The following FREM2 variants were observed in gnomAD, a reference collection of about 807,000 sequenced individuals.
The protein encoded by FREM2 is FRAS1-related extracellular matrix protein 2.
In FREM2, 119 loss-of-function variants were observed where a neutral mutation model predicts 219.9. The observed-to-expected ratio is 0.54, with a 90% CI of 0.47 to 0.63. The LOEUF (loss-of-function observed/expected upper bound fraction) is 0.63, where lower values mean the gene tolerates loss of function less well. FREM2 is among the 30% of genes least tolerant of loss of function. The probability of loss-of-function intolerance (pLI) is 0.00; values close to 1 mark genes in which losing one functional copy is unlikely to be tolerated. For synonymous variants in FREM2, 1,562 were observed against 1,522.8 expected, an observed-to-expected ratio of 1.03 and a Z score of -0.60; for missense variants, 4,030 against 3,993.6, an observed-to-expected ratio of 1.01 and a Z score of -0.25.
At chr13:38,775,525 T>C (rs1873838610) in intron 4 of FREM2, among the ~76,000 whole-genome samples, 1 of 152,142 alleles carries the variant, frequency 6.6e-6, no homozygotes, top group African/African-American at 2.4e-5. Flanking sequence ...AGGTGCAAAA[T>C]AAAACTTGCA....
chr13:38,707,925 G>A (rs1870603878), intron 2 of FREM2, among the ~76,000 whole-genome samples: 3 of 152,074 alleles, frequency 2.0e-5, no homozygotes, highest in Non-Finnish European at 4.4e-5. Flanking sequence ...TAAACCTCAG[G>A]GTCATTTTGT....
At chr13:38,851,138 G>A (rs1054681870) in intron 10 of FREM2, 30 bp downstream of exon 10, 3 of 1,607,722 alleles carry the variant, frequency 1.9e-6, no homozygotes, top group South Asian at 1.1e-5. Flanking sequence ...TTGTTCAACT[G>A]TAAATTAGAA....
At chr13:38,782,905 C>T (rs1451884352) in intron 4 of FREM2, among the ~76,000 whole-genome samples, 165 bp from the exon 5 acceptor site, 1 of 152,148 alleles carries the variant, frequency 6.6e-6, no homozygotes, top group African/African-American at 2.4e-5. Context: ...CCCTTTATAC[C>T]CACTTCTTTT....
intron 16 of FREM2, among the ~76,000 whole-genome samples, chr13:38,866,202 T>C (rs1274711883): frequency 6.6e-6 from 1 of 152,028 alleles, no homozygotes; most frequent in Non-Finnish European, 1.5e-5. Context: ...CTTGTTAAAA[T>C]CGTTTCATAC....
intron 14 of FREM2, among the ~76,000 whole-genome samples, chr13:38,860,207 G>C (rs1877711540): frequency 6.6e-6 from 1 of 152,088 alleles, no homozygotes; most frequent in Admixed American, 6.6e-5. Context: ...GATTTTGCTG[G>C]GGACGGGAGG....
At chr13:38,725,353 A>G (rs1267635647) in intron 2 of FREM2, among the ~76,000 whole-genome samples, 1 of 150,964 alleles carries the variant, frequency 6.6e-6, no homozygotes, top group Admixed American at 6.6e-5. Context: ...GTTGTCAGCC[A>G]TGATGAGTGG....
chr13:38,741,619 A>C (rs1872252672), intron 2 of FREM2, among the ~76,000 whole-genome samples: 1 of 152,196 alleles, frequency 6.6e-6, no homozygotes, highest in Admixed American at 6.5e-5. Context: ...GACACATCAC[A>C]AATTGCAGAT....
intron 6 of FREM2, among the ~76,000 whole-genome samples, chr13:38,817,676 G>A (rs1877532152): frequency 6.6e-6 from 1 of 151,842 alleles, no homozygotes; most frequent in South Asian, 2.1e-4. Context: ...GACTTCAAAA[G>A]GATAGTCAAC....
rs781505102 is a variant in FREM2 at position 38,690,437 on chromosome 13, T to C, written c.3093T>C (p.Ser1031=). 1 of 1,614,248 alleles carries C rather than the reference T, an allele frequency of 6.2e-7. No individual in the cohort carries two copies. Among genetic ancestry groups the C allele is most frequent in the Non-Finnish European group, 8.5e-7 (1 of 1,180,038 alleles). Reference sequence around the variant, plus strand: ...TAGGCCTATTGCCTAAAGCGGATTCTTTTAACCTGAGTCTGTCAGATATGT... The same window carrying C: ...TAGGCCTATTGCCTAAAGCGGATTCCTTTAACCTGAGTCTGTCAGATATGT... ...GEIGLLPKAD[S]FNLSLSDMSQ... Residue 1031 remains serine (S), a synonymous_variant, in exon 1 of 24, where the codon TCT becomes TCC. Coordinates refer to ENST00000280481, the MANE Select transcript of FREM2 (RefSeq NM_207361.6).
At chr13:38,742,240 G>A (rs1372046741) in intron 2 of FREM2, among the ~76,000 whole-genome samples, 1 of 152,186 alleles carries the variant, frequency 6.6e-6, no homozygotes, top group Non-Finnish European at 1.5e-5. Context: ...TACAAGGGTT[G>A]TATAAAAATA....
At chr13:38,793,664 ACTCTG>A in intron 6 of FREM2, among the ~76,000 whole-genome samples, 1 of 152,310 alleles carries the variant, frequency 6.6e-6, no homozygotes, top group East Asian at 1.9e-4. Flanking sequence ...TAGAAATATC[ACTCTG>A]CTCTGGCTGC....
intron 4 of FREM2, among the ~76,000 whole-genome samples, chr13:38,773,008 AAC>A (rs749267722): frequency 1.7e-4 from 26 of 152,172 alleles, no homozygotes; most frequent in Non-Finnish European, 2.9e-4. Context: ...AGAACTTTTT[AAC>A]ACACACACAG....
At chr13:38,761,204 G>A (rs1855195212) in intron 2 of FREM2, among the ~76,000 whole-genome samples, 1 of 152,158 alleles carries the variant, frequency 6.6e-6, no homozygotes, top group Non-Finnish European at 1.5e-5. Context: ...GATGTGAGAG[G>A]ATGGATATTT....
In FREM2 at chr13:38,687,962, G is replaced by T. The variant is rs1176611800; in HGVS notation, c.618G>T (p.Glu206Asp). Residue 206 changes from glutamate (E) to aspartate (D), a missense_variant, in exon 1 of 24, where the codon GAG becomes GAT. Physicochemically the swap from Glu to Asp is conservative, Grantham distance 45 (BLOSUM62 2). This residue lies in a region of FREM2 where 3,102 missense variants were observed against 2,950.7 expected (regional missense o/e 1.05). Coordinates refer to ENST00000280481, the MANE Select transcript of FREM2 (RefSeq NM_207361.6). ...TSNALDARSL[E>D]FAFQPETEEC... Reference sequence around the variant, plus strand: ...ATGCCCTGGACGCGCGGAGCCTGGAGTTCGCCTTCCAGCCCGAGACAGAGG... The same window carrying T: ...ATGCCCTGGACGCGCGGAGCCTGGATTTCGCCTTCCAGCCCGAGACAGAGG... 1 of 1,611,422 alleles carries T rather than the reference G, an allele frequency of 6.2e-7. No homozygotes were observed. The highest frequency in any genetic ancestry group is 2.2e-5 in the East Asian group (1 of 44,750).
Position 38,687,704 on chromosome 13 carries a change from C to G in FREM2, c.360C>G (p.Gly120=), listed in dbSNP as rs1161602527. Residue 120 remains glycine (G), a synonymous_variant, in exon 1 of 24, where the codon GGC becomes GGG. Coordinates refer to ENST00000280481, the MANE Select transcript of FREM2 (RefSeq NM_207361.6). ...LDNDALAQRP[G]RLSPKRFPCD... is the part of the protein sequence containing the mutation. ...ACGACGCACTGGCCCAGCGACCGGG[C>G]CGCCTGAGTCCCAAGCGCTTCCCGT... is the stretch of plus-strand genomic sequence containing the variant. 6.4e-7 allele frequency: 1 copy of G among 1,566,036 alleles called. No homozygotes were observed. Among genetic ancestry groups the G allele is most frequent in the Admixed American group, 1.8e-5 (1 of 55,854 alleles).
intron 12 of FREM2, among the ~76,000 whole-genome samples, chr13:38,857,392 G>T (rs936013354): frequency 2.6e-5 from 4 of 152,062 alleles, no homozygotes; most frequent in Admixed American, 2.0e-4. Context: ...AGTGCCTTCT[G>T]CCCTTGGCTG....
chr13:38,722,502 G>A (rs1205498674), intron 2 of FREM2, among the ~76,000 whole-genome samples: 1 of 151,918 alleles, frequency 6.6e-6, no homozygotes, highest in Non-Finnish European at 1.5e-5. Flanking sequence ...TGATTTCACT[G>A]ACTAAGCTAA....
chr13:38,847,922 C>A (rs1343302938), intron 7 of FREM2, among the ~76,000 whole-genome samples: 2 of 152,124 alleles, frequency 1.3e-5, no homozygotes, highest in African/African-American at 4.8e-5. Flanking sequence ...GTAGAAGCTT[C>A]TCTCATTGCC....
intron 2 of FREM2, among the ~76,000 whole-genome samples, chr13:38,760,912 G>C (rs1873203298): frequency 6.6e-6 from 1 of 152,112 alleles, no homozygotes; most frequent in South Asian, 2.1e-4. Context: ...TAAAGGGGTA[G>C]AGAGGGCTGG....
Sources: allele counts gnomAD v4.1 joint callset (sites outside exome capture counted in the v4.1 genomes callset), GRCh38; gene constraint gnomAD v4.1.1; regional missense constraint gnomAD v4.1.1; transcripts MANE v1.5; gene names NCBI Gene and HGNC (gene_info 2026-07-23, HGNC 2026-07-21).